Variants in ARHGAP44 observed in about 807,000 individuals in gnomAD.
The protein encoded by ARHGAP44 is Rho GTPase activating protein 44, also known as rho GTPase-activating protein 44.
In ARHGAP44, 43 loss-of-function variants were observed where a neutral mutation model predicts 106.8. The ratio of observed to expected loss-of-function variants is 0.40; its 90% confidence interval spans 0.32 to 0.52. The LOEUF is 0.52. ARHGAP44 is among the 20% of genes least tolerant of loss of function. The pLI is 0.48. For missense variants in ARHGAP44, 866 were observed against 1,050.5 expected (o/e 0.82, Z 2.43); for synonymous variants, 439 against 410.3 (o/e 1.07, Z -0.85).
At position 12,990,266 on chromosome 17, in the gene ARHGAP44, G is replaced by T; in HGVS notation, c.*95G>T. The T allele has an allele frequency of 2.1e-6, 3 of 1,463,060 alleles. No individual in the cohort carries two copies. Among genetic ancestry groups the T allele is most frequent in the Non-Finnish European group, 2.7e-6 (3 of 1,091,310 alleles). The allele number at this position is 1,463,060 out of a possible 1,614,324, so 90.6% of individuals were successfully genotyped here. A position where few individuals can be genotyped will look rare whatever the true frequency, so the allele number is the denominator to read the frequency against. On this transcript the variant is annotated 3_prime_UTR_variant, in exon 21 of 21. Coordinates refer to ENST00000379672, the MANE Select transcript of ARHGAP44 (RefSeq NM_014859.6). Reference sequence around the variant, plus strand: ...TCCATGAGCTTGCCAAGTGTTCTCTGCTGGCTCTTTCCTGCCACTGCCAAC... The same window carrying T: ...TCCATGAGCTTGCCAAGTGTTCTCTTCTGGCTCTTTCCTGCCACTGCCAAC...
At chr17:12,897,120 T>C (rs1054734655) in intron 3 of ARHGAP44, among the ~76,000 whole-genome samples, 3 of 152,210 alleles carry the variant, frequency 2.0e-5, no homozygotes, top group Admixed American at 1.3e-4. Flanking sequence ...TACCTTCCTC[T>C]TGACCCCATC....
rs939290438 is a variant in ARHGAP44 at position 12,991,590 on chromosome 17, A to G, written c.*1419A>G. On this transcript the variant is annotated 3_prime_UTR_variant, in exon 21 of 21. Transcript: ENST00000379672. ...GTTGAAAGTTGTTATCTTTAAATACATGTACAAATCGTTGTCAAAAGTAAC... is the reference window on the plus strand; with the variant it reads ...GTTGAAAGTTGTTATCTTTAAATACGTGTACAAATCGTTGTCAAAAGTAAC... The G allele has an allele frequency of 5.5e-5, 10 of 180,312 alleles. No individual in the cohort carries two copies. The highest frequency in any genetic ancestry group is 1.9e-4 in the African/African-American group (8 of 42,344). The allele number at this position is 180,312 out of a possible 1,614,324, so 11.2% of individuals were successfully genotyped here.
At chr17:12,799,829 A>G (rs560323536) in intron 1 of ARHGAP44, among the ~76,000 whole-genome samples, 56 of 152,266 alleles carry the variant, frequency 3.7e-4, no homozygotes, top group African/African-American at 1.3e-3. Flanking sequence ...AGAGTTCACC[A>G]TGTTGGCCAG....
intron 13 of ARHGAP44, among the ~76,000 whole-genome samples, chr17:12,954,194 GGC>G (rs1458086248): frequency 1.3e-5 from 2 of 152,046 alleles, no homozygotes; most frequent in African/African-American, 2.4e-5. Flanking sequence ...CACGGCGCCT[GGC>G]TGAGATTATT....
chr17:12,948,657 C>T (rs2143062787), intron 10 of ARHGAP44, among the ~76,000 whole-genome samples: 1 of 150,854 alleles, frequency 6.6e-6, no homozygotes, highest in East Asian at 2.0e-4. Flanking sequence ...GCAACCGAGC[C>T]AGACTCTGTC....
At position 12,943,593 on chromosome 17, in the gene ARHGAP44, A is replaced by G. The variant is rs2038762622; in HGVS notation, c.657A>G (p.Ile219Met). ...CTTGCCTTGTGTCTTCTCAGCTAAT[A>G]GAAGTGCAAGCTGAATACCACAGGA... is the stretch of plus-strand genomic sequence containing the variant. The part of the protein sequence containing the change: ...IDYANYFQTL[I>M]EVQAEYHRKS... The change falls in exon 9 of 21, where the codon ATA becomes ATG. Residue 219 changes from isoleucine to methionine, a missense_variant. Ile to Met is a conservative substitution (Grantham distance 10, BLOSUM62 1). This residue lies in a region of ARHGAP44 where 448 missense variants were observed against 646.9 expected (regional missense o/e 0.69). Transcript: ENST00000379672. 6.2e-7 allele frequency: 1 copy of G among 1,613,874 alleles called. No homozygotes were observed. Among genetic ancestry groups the G allele is most frequent in the Non-Finnish European group, 8.5e-7 (1 of 1,179,804 alleles).
rs72635535 is a variant in ARHGAP44 at position 12,892,806 on chromosome 17, G to T, written c.54-2134G>T. Among the ~76,000 whole-genome samples the T allele has an allele frequency of 7.7e-3, 698 of 90,312 alleles. 6 individuals carry two copies. The highest frequency in any genetic ancestry group is 0.033 in the African/African-American group (581 of 17,832). 59.2% of individuals were successfully genotyped at this position (90,312 alleles called of 152,430 possible). A position where few individuals can be genotyped will look rare whatever the true frequency, so the allele number is the denominator to read the frequency against. On this transcript the variant is annotated intron_variant, in intron 1 of 20. Transcript: ENST00000379672. ...CCCATCAACTGAGTTTTTTTTTTTT[G>T]TCAATTAGATTGTTGTATTTTTCAG...
At chr17:12,987,315 C>A in intron 20 of ARHGAP44, 1 of 578,290 alleles carries the variant, frequency 1.7e-6, no homozygotes, top group Non-Finnish European at 2.9e-6. Context: ...GATCCATGAG[C>A]TTATTTGGCT....
chr17:12,799,689 C>T (rs755711664), intron 1 of ARHGAP44, among the ~76,000 whole-genome samples: 12 of 152,162 alleles, frequency 7.9e-5, no homozygotes, highest in Non-Finnish European at 1.8e-4. Flanking sequence ...TACCCTCCGA[C>T]GTTCAGGTAT....
rs56343555 is a variant in ARHGAP44, at chr17:12,834,800, A to G, written c.53+44909A>G. 1.7e-3 allele frequency among the ~76,000 whole-genome samples: 264 copies of G among 152,354 alleles called. 4 individuals carry two copies. The highest frequency in any genetic ancestry group is 3.7e-3 in the South Asian group (18 of 4,828). ...TCAGTGGGAAATAGAAAATTTGGAT[A>G]AACAACACATTTTTTGTTTTCTTTA... On this transcript the variant is annotated intron_variant, in intron 1 of 20. Coordinates refer to ENST00000379672, the MANE Select transcript of ARHGAP44 (RefSeq NM_014859.6).
At chr17:12,832,622 A>G (rs572594365) in intron 1 of ARHGAP44, among the ~76,000 whole-genome samples, 1 of 152,356 alleles carries the variant, frequency 6.6e-6, no homozygotes, top group South Asian at 2.1e-4. Flanking sequence ...ACTTTAAACT[A>G]AATTCCTCCC....
At chr17:12,938,554 G>T (rs2038613927) in intron 7 of ARHGAP44, among the ~76,000 whole-genome samples, 1 of 137,140 alleles carries the variant, frequency 7.3e-6, no homozygotes. Flanking sequence ...TTCATGAACA[G>T]TTCTGGGACA....
At chr17:12,792,951 G>T (rs1392597912) in intron 1 of ARHGAP44, among the ~76,000 whole-genome samples, 3 of 152,156 alleles carry the variant, frequency 2.0e-5, no homozygotes, top group African/African-American at 7.2e-5. Flanking sequence ...TGTTTCCTTA[G>T]TCTGCACGTG....
chr17:12,849,663 G>A (rs2035684958), intron 1 of ARHGAP44, among the ~76,000 whole-genome samples: 1 of 146,186 alleles, frequency 6.8e-6, no homozygotes, highest in Admixed American at 6.9e-5. Context: ...TCAACAGTAG[G>A]AATTGCCCAA....
chr17:12,983,988 C>T (rs572263718), intron 19 of ARHGAP44, among the ~76,000 whole-genome samples: 23 of 152,212 alleles, frequency 1.5e-4, no homozygotes, highest in South Asian at 1.2e-3. Flanking sequence ...GTTCTGTGGC[C>T]GGAGGATTTG....
chr17:12,863,600 CAA>C (rs1456301050), intron 1 of ARHGAP44, among the ~76,000 whole-genome samples: 5 of 152,086 alleles, frequency 3.3e-5, no homozygotes. Flanking sequence ...GACCTGGAGA[CAA>C]TACTAAATTC....
In ARHGAP44 at chr17:12,949,541, G is replaced by A. The variant is rs1036678697; in HGVS notation, c.974-108G>A. The A allele has an allele frequency of 6.9e-6, 7 of 1,007,668 alleles. No homozygotes were observed. The African/African-American group carries it at 1.1e-4, about 16-fold the overall frequency. 62.4% of individuals were successfully genotyped at this position (1,007,668 alleles called of 1,614,324 possible). A position where few individuals can be genotyped will look rare whatever the true frequency, so the allele number is the denominator to read the frequency against. Reference sequence around the variant, plus strand: ...AGCTACCATTTGCTGTTGACATGGTGGTCAGGAGGCCCATCCCCAGATGGA... The same window carrying A: ...AGCTACCATTTGCTGTTGACATGGTAGTCAGGAGGCCCATCCCCAGATGGA... On this transcript the variant is annotated intron_variant, in intron 11 of 20. Coordinates refer to ENST00000379672, the MANE Select transcript of ARHGAP44 (RefSeq NM_014859.6). This position sits in a 1 kb window ranked among gnomAD's most constrained non-coding sequence, Gnocchi z 4.1.
intron 1 of ARHGAP44, among the ~76,000 whole-genome samples, chr17:12,824,457 A>C: frequency 6.6e-6 from 1 of 152,088 alleles, no homozygotes; most frequent in East Asian, 1.9e-4. Flanking sequence ...CTGGATGTTC[A>C]AAATGACCTC....
chr17:12,960,514 T>G (rs913584833), intron 16 of ARHGAP44, among the ~76,000 whole-genome samples: 1 of 150,982 alleles, frequency 6.6e-6, no homozygotes. Context: ...TGCAGTGAGC[T>G]GAGATCGTGC....
Sources: gnomAD v4.1 joint callset for allele counts (sites outside exome capture counted in the v4.1 genomes callset) on GRCh38, gnomAD v4.1.1 for gene constraint, gnomAD v4.1.1 regional missense constraint, Gnocchi (gnomAD v3.1) non-coding constraint, MANE v1.5 for transcripts, NCBI Gene and HGNC (gene_info 2026-07-23, HGNC 2026-07-21) for gene names.